Variants in NIM1K observed in about 807,000 individuals in gnomAD.
NIM1K encodes NIM1 serine/threonine protein kinase, also known as serine/threonine-protein kinase NIM1.
Under a neutral mutation model 37.1 loss-of-function variants are expected in NIM1K, and 35 were observed. That is an observed-to-expected ratio of 0.94 (90% confidence interval 0.72 to 1.25). The LOEUF (loss-of-function observed/expected upper bound fraction) is 1.25, where lower values mean the gene tolerates loss of function less well. Among genes scored for constraint, NIM1K ranks in the 50% most tolerant of loss-of-function variants. The probability of loss-of-function intolerance (pLI) is 0.00; values close to 1 mark genes in which losing one functional copy is unlikely to be tolerated. For synonymous variants in NIM1K, 234 were observed against 206.6 expected, an observed-to-expected ratio of 1.13 and a Z score of -1.14; for missense variants, 564 against 548.0, an observed-to-expected ratio of 1.03 and a Z score of -0.29.
chr5:43,198,133 TTCTTTC>T (rs763468925), intron 1 of NIM1K, among the ~76,000 whole-genome samples: 2 of 37,288 alleles, frequency 5.4e-5, no homozygotes, highest in Non-Finnish European at 1.1e-4. Flanking sequence ...CCAATATGAT[TTCTTTC>T]TTTCTTTCTT....
intron 2 of NIM1K, among the ~76,000 whole-genome samples, chr5:43,264,129 T>C (rs1373830701): frequency 6.6e-6 from 1 of 152,196 alleles, no homozygotes; most frequent in Non-Finnish European, 1.5e-5. Context: ...TGTAGACGTC[T>C]GTTAGGTCTG....
rs145960752 is a variant in NIM1K at position 43,207,154 on chromosome 5, G to A, written c.-695+14743G>A. 1.9e-3 allele frequency: 1,426 copies of A among 731,292 alleles called. 14 individuals carry two copies. The African/African-American group carries it at 0.022, about 12-fold the overall frequency. The allele number at this position is 731,292 out of a possible 1,614,324, so 45.3% of individuals were successfully genotyped here. On this transcript the variant is annotated intron_variant, in intron 1 of 3. Coordinates refer to ENST00000326035, the MANE Select transcript of NIM1K (RefSeq NM_153361.4). Reference sequence around the variant, plus strand: ...ATCAAAATATAAAAATTCTACACTCGAAGCAGTTTGGAAATATTCTCATCC... The same window carrying A: ...ATCAAAATATAAAAATTCTACACTCAAAGCAGTTTGGAAATATTCTCATCC...
chr5:43,228,349 T>C (rs1269862369), intron 1 of NIM1K, among the ~76,000 whole-genome samples: 1 of 151,958 alleles, frequency 6.6e-6, no homozygotes, highest in East Asian at 1.9e-4. Flanking sequence ...GGTTTCACCG[T>C]GTTAGCCAGG....
intron 2 of NIM1K, among the ~76,000 whole-genome samples, chr5:43,272,136 T>TA (rs537570716): frequency 6.6e-6 from 1 of 152,152 alleles, no homozygotes; most frequent in Non-Finnish European, 1.5e-5. Flanking sequence ...TGTTGAATAT[T>TA]AAAAAAATGC....
chr5:43,222,276 A>T (rs1752391321), intron 1 of NIM1K, among the ~76,000 whole-genome samples: 1 of 152,222 alleles, frequency 6.6e-6, no homozygotes, highest in Non-Finnish European at 1.5e-5. Flanking sequence ...AGCAGAGGAA[A>T]GACAGGATGA....
At chr5:43,261,814 C>A (rs1283789952) in intron 2 of NIM1K, among the ~76,000 whole-genome samples, 1 of 152,054 alleles carries the variant, frequency 6.6e-6, no homozygotes, top group Non-Finnish European at 1.5e-5. Flanking sequence ...ATCCAGTTTC[C>A]ACTTTCTACA....
intron 1 of NIM1K, chr5:43,207,636 ACT>A: frequency 8.1e-6 from 5 of 618,850 alleles, no homozygotes; most frequent in Non-Finnish European, 1.6e-5. Flanking sequence ...ACACAGGGGA[ACT>A]GTGTCAATCT....
chr5:43,234,608 C>A (rs529342009), intron 1 of NIM1K, among the ~76,000 whole-genome samples: 96 of 151,992 alleles, frequency 6.3e-4, no homozygotes, highest in African/African-American at 2.3e-3. Flanking sequence ...GGCCAACATG[C>A]GGATGGGGAC....
chr5:43,271,765 A>G (rs1407561844), intron 2 of NIM1K, among the ~76,000 whole-genome samples: 2 of 152,226 alleles, frequency 1.3e-5, no homozygotes, highest in Non-Finnish European at 2.9e-5. Flanking sequence ...CAGTAAAGAT[A>G]CAGGACAAGT....
At chr5:43,242,751 A>T (rs1191630406) in intron 1 of NIM1K, 4 of 151,732 alleles carry the variant, frequency 2.6e-5, no homozygotes, top group Non-Finnish European at 5.9e-5. Flanking sequence ...ACTACTGTGC[A>T]GAACTCCCAG....
At chr5:43,196,499 G>A (rs1751916994) in intron 1 of NIM1K, among the ~76,000 whole-genome samples, 1 of 151,938 alleles carries the variant, frequency 6.6e-6, no homozygotes, top group Admixed American at 6.6e-5. Context: ...GCCAGGTGTG[G>A]TGGTGGGCGC....
intron 1 of NIM1K, among the ~76,000 whole-genome samples, chr5:43,196,884 C>A (rs1045106629): frequency 6.6e-6 from 1 of 151,724 alleles, no homozygotes; most frequent in Non-Finnish European, 1.5e-5. Flanking sequence ...GCAATCCTTC[C>A]CCCTCAACCT....
rs533673772 is a variant in NIM1K at position 43,245,101 on chromosome 5, C to G, written c.-675C>G. 6.6e-6 allele frequency: 1 copy of G among 152,200 alleles called. No individual in the cohort carries two copies. The highest frequency in any genetic ancestry group is 2.4e-5 in the African/African-American group (1 of 41,456). The allele number at this position is 152,200 out of a possible 1,614,324, so 9.4% of individuals were successfully genotyped here. ...TCTTAGGTTGAACCAGCCAAATTTT[C>G]GAGACAGCTCACGGCTTAGAGGAAG... On this transcript the variant is annotated 5_prime_UTR_variant, in exon 2 of 4. Coordinates refer to ENST00000326035, the MANE Select transcript of NIM1K (RefSeq NM_153361.4).
chr5:43,202,524 C>T (rs181973167), intron 1 of NIM1K, among the ~76,000 whole-genome samples: 276 of 152,294 alleles, frequency 1.8e-3, no homozygotes, highest in Non-Finnish European at 3.4e-3. Context: ...CTACAAGCCC[C>T]TCCCCAGTGG....
intron 1 of NIM1K, among the ~76,000 whole-genome samples, chr5:43,235,827 GA>G (rs541372235): frequency 6.3e-4 from 96 of 151,494 alleles, no homozygotes; most frequent in Non-Finnish European, 9.4e-4. Context: ...ACGGACCTAT[GA>G]ACTATTCCCT....
At chr5:43,249,462 C>T (rs1023758594) in intron 2 of NIM1K, among the ~76,000 whole-genome samples, 11 of 152,272 alleles carry the variant, frequency 7.2e-5, no homozygotes, top group Admixed American at 5.9e-4. Context: ...CTGGGCACTA[C>T]GTGGTTCAGT....
chr5:43,232,743 T>G (rs767090964), intron 1 of NIM1K: 49 of 1,208,484 alleles, frequency 4.1e-5, no homozygotes, highest in Non-Finnish European at 5.8e-5. Context: ...AACCAATTCC[T>G]TCACCAAAGC....
chr5:43,257,631 G>A (rs564400241), intron 2 of NIM1K, among the ~76,000 whole-genome samples: 5 of 152,204 alleles, frequency 3.3e-5, no homozygotes, highest in South Asian at 2.1e-4. Context: ...TATTACAGGC[G>A]TGAGCCACTG....
chr5:43,259,182 G>T (rs1752991498), intron 2 of NIM1K, among the ~76,000 whole-genome samples: 1 of 152,172 alleles, frequency 6.6e-6, no homozygotes, highest in Non-Finnish European at 1.5e-5. Context: ...GTTGGTTCCA[G>T]ATCTTTGCAA....
Sources: gnomAD v4.1 joint callset for allele counts (sites outside exome capture counted in the v4.1 genomes callset) on GRCh38, gnomAD v4.1.1 for gene constraint, MANE v1.5 for transcripts, NCBI Gene and HGNC (gene_info 2026-07-23, HGNC 2026-07-21) for gene names.